Variants in LPIN3 observed in about 807,000 individuals in gnomAD.
LPIN3 encodes phosphatidate phosphatase LPIN3.
LPIN3 carries 82 observed loss-of-function variants against 94.7 expected under a neutral mutation model. The ratio of observed to expected loss-of-function variants is 0.87; its 90% CI spans 0.72 to 1.04. LPIN3 has a LOEUF of 1.04. Among genes scored for constraint, LPIN3 ranks in the 50% least tolerant of loss-of-function variants. LPIN3 has a pLI of 0.00. For synonymous variants in LPIN3, 418 were observed against 443.3 expected, an observed-to-expected ratio of 0.94 and a Z score of 0.72; for missense variants, 996 against 1,090.5, an observed-to-expected ratio of 0.91 and a Z score of 1.22.
rs2046247397 is a variant in LPIN3 at position 41,357,352 on chromosome 20, TCA to T, written c.1953-7_1953-6del. On this transcript the variant is annotated splice_region_variant and splice_polypyrimidine_tract_variant and intron_variant, in intron 15 of 19. Coordinates refer to ENST00000373257, the MANE Select transcript of LPIN3 (RefSeq NM_022896.3). ...CTGCCTTGGAGTAACCCTTCCTCTC[TCA>T]CTCTAGGTCAGATGCTCTGGGCCAT... 1 of 1,613,478 alleles carries T rather than the reference TCA, an allele frequency of 6.2e-7. No individual in the cohort carries two copies. The highest frequency in any genetic ancestry group is 2.2e-5 in the East Asian group (1 of 44,874).
chr20:41,342,771 G>A (rs546736108), intron 1 of LPIN3, among the ~76,000 whole-genome samples: 3 of 152,314 alleles, frequency 2.0e-5, no homozygotes, highest in Non-Finnish European at 4.4e-5. Context: ...GACATCCATT[G>A]GTGAAGTGGG....
At chr20:41,352,008 C>A (rs1320891562) in intron 8 of LPIN3, 52 bp from the exon 9 acceptor site, 1 of 1,611,926 alleles carries the variant, frequency 6.2e-7, no homozygotes, top group East Asian at 2.2e-5. Context: ...GAGGGAGGAC[C>A]CATCTCCCGC....
At chr20:41,348,916 C>CCAA in intron 4 of LPIN3, 29 bp downstream of exon 4, 1 of 1,592,990 alleles carries the variant, frequency 6.3e-7, no homozygotes, top group Non-Finnish European at 8.6e-7. Context: ...ACTTGAACCC[C>CCAA]AGTTTGGGGG....
intron 4 of LPIN3, 94 bp from the exon 5 acceptor site, chr20:41,348,998 G>C (rs55792098): frequency 0.016 from 25,470 of 1,581,108 alleles, 255 homozygotes; most frequent in Non-Finnish European, 0.02. Context: ...AGCAGTAGTT[G>C]CTTCACCTTA....
intron 7 of LPIN3, 38 bp downstream of exon 7, chr20:41,350,435 C>T (rs1218756248): frequency 1.4e-6 from 2 of 1,481,290 alleles, no homozygotes; most frequent in Admixed American, 2.2e-5. Flanking sequence ...CCTCCCTGGC[C>T]TCGCTCTGTC....
intron 5 of LPIN3, among the ~76,000 whole-genome samples, chr20:41,349,478 C>T (rs2045919579): frequency 6.6e-6 from 1 of 152,074 alleles, no homozygotes. Flanking sequence ...AAATGGAAAC[C>T]CTATGCCCAT....
At chr20:41,352,420 G>A (rs562263672) in intron 9 of LPIN3, among the ~76,000 whole-genome samples, 186 bp from the exon 10 acceptor site, 3 of 152,344 alleles carry the variant, frequency 2.0e-5, no homozygotes, top group African/African-American at 7.2e-5. Context: ...TTGACGCTAA[G>A]TTGTGAGTTA....
Position 41,351,928 on chromosome 20 carries a change from G to A in LPIN3, c.1202+8G>A. On this transcript the variant is annotated splice_region_variant and intron_variant, in intron 8 of 19. Transcript: ENST00000373257. ...GCTTTACTTCCCCCAAAGGTGCCTG[G>A]GTTCTGGATGCCAGGGTGTCTTGGG... is the stretch of plus-strand genomic sequence containing the variant. The A allele has an allele frequency of 6.2e-6, 10 of 1,614,160 alleles. No individual in the cohort carries two copies. Among genetic ancestry groups the A allele is most frequent in the Non-Finnish European group, 8.5e-6 (10 of 1,180,012 alleles).
chr20:41,345,690 G>T, intron 1 of LPIN3, 106 bp from the exon 2 acceptor site: 1 of 1,214,880 alleles, frequency 8.2e-7, no homozygotes, highest in Non-Finnish European at 1.1e-6. Flanking sequence ...GCACTCCAAG[G>T]CGTGACACAA....
chr20:41,358,850 T>G lies in LPIN3; in HGVS notation c.2540T>G (p.Leu847Arg), dbSNP rs751827107. The stretch of plus-strand genomic sequence containing the variant: ...CGGGAGCCACTGCCTGCTGTGGACC[T>G]TGATACCCTGGACTGAACCTGCCCT... ...YWREPLPAVD[L>R]DTLD The change falls in exon 20 of 20, where the codon CTT (leucine) becomes CGT (arginine). Residue 847 changes from leucine (L) to arginine (R), a missense_variant. Coordinates refer to ENST00000373257, the MANE Select transcript of LPIN3 (RefSeq NM_022896.3). 9 of 1,613,788 alleles carry G rather than the reference T, an allele frequency of 5.6e-6. No homozygotes were observed. The Admixed American group carries it at 8.3e-5, about 15-fold the overall frequency.
intron 6 of LPIN3, 26 bp downstream of exon 6, chr20:41,349,920 G>A (rs1370477264): frequency 3.1e-6 from 5 of 1,599,594 alleles, no homozygotes; most frequent in Admixed American, 3.4e-5. Context: ...TCAACCCCAG[G>A]CCCGGCCTTT....
chr20:41,350,294 C>A lies in LPIN3; in HGVS notation c.999C>A (p.Ser333Arg). The change falls in exon 7 of 20, where the codon AGC (serine) becomes AGA (arginine). Residue 333 changes from serine to arginine, a missense_variant. Physicochemically the swap from Ser to Arg is moderately radical, Grantham distance 110 (BLOSUM62 -1). Coordinates refer to ENST00000373257, the MANE Select transcript of LPIN3 (RefSeq NM_022896.3). ...TPETEESKTQ[S>R]SGDMGLPPAS... ...AGACAGAGGAAAGCAAGACTCAGAGCTCTGGGGACATGGGCCTCCCTCCTG... is the reference window on the plus strand; with the variant it reads ...AGACAGAGGAAAGCAAGACTCAGAGATCTGGGGACATGGGCCTCCCTCCTG... 6.2e-7 allele frequency: 1 copy of A among 1,613,118 alleles called. No homozygotes were observed. Among genetic ancestry groups the A allele is most frequent in the South Asian group, 1.1e-5 (1 of 91,066 alleles).
At chr20:41,351,063 G>A (rs1385852973) in intron 7 of LPIN3, among the ~76,000 whole-genome samples, 1 of 149,956 alleles carries the variant, frequency 6.7e-6, no homozygotes, top group Non-Finnish European at 1.5e-5. Context: ...GCAATGTAGT[G>A]AGAACCCATC....
chr20:41,358,379 G>A, intron 18 of LPIN3, 28 bp downstream of exon 18: 1 of 1,613,576 alleles, frequency 6.2e-7, no homozygotes, highest in East Asian at 2.2e-5. Context: ...ACTCTGCTGA[G>A]CCACCTCTCC....
In LPIN3 at chr20:41,345,872, C is replaced by T. The variant is rs779438805; in HGVS notation, c.69C>T (p.Asn23=). 1 of 1,614,218 alleles carries T rather than the reference C, an allele frequency of 6.2e-7. No individual in the cohort carries two copies. ...GTVKELYRGL[N]PATLSGGIDV... The stretch of plus-strand genomic sequence containing the variant: ...TGAAGGAGCTGTACCGGGGCCTGAA[C>T]CCAGCCACACTGAGCGGCGGCATTG... The change falls in exon 2 of 20, where the codon AAC becomes AAT. Residue 23 remains asparagine (N), a synonymous_variant. Coordinates refer to ENST00000373257, the MANE Select transcript of LPIN3 (RefSeq NM_022896.3).
At chr20:41,349,956 C>A (rs1382545466) in intron 6 of LPIN3, 62 bp downstream of exon 6, 2 of 1,578,412 alleles carry the variant, frequency 1.3e-6, no homozygotes, top group South Asian at 1.2e-5. Flanking sequence ...CCCCATGGGT[C>A]AGGGTTGGAG....
In LPIN3 at chr20:41,358,425, C is replaced by T; in HGVS notation, c.2308-14C>T. 6.2e-7 allele frequency: 1 copy of T among 1,614,012 alleles called. No individual in the cohort carries two copies. The highest frequency in any genetic ancestry group is 8.5e-7 in the Non-Finnish European group (1 of 1,179,910). On this transcript the variant is annotated splice_polypyrimidine_tract_variant and intron_variant, in intron 18 of 19. Transcript: ENST00000373257. ...GCAGGCCTCCATTCCATGGGCCCCT[C>T]CTGTCTCCCACAGGATGTCTTTGCC...
intron 1 of LPIN3, among the ~76,000 whole-genome samples, chr20:41,345,229 A>C (rs1422328263): frequency 1.3e-5 from 2 of 152,196 alleles, no homozygotes; most frequent in Non-Finnish European, 2.9e-5. Flanking sequence ...TGGGCCTGCT[A>C]TCTAATGAGG....
intron 1 of LPIN3, among the ~76,000 whole-genome samples, chr20:41,341,804 C>T (rs1454634104): frequency 6.6e-5 from 10 of 152,110 alleles, no homozygotes; most frequent in Non-Finnish European, 1.0e-4. Context: ...GGTGAAACCC[C>T]GTCTCCACTA....
Sources: allele counts gnomAD v4.1 joint callset (sites outside exome capture counted in the v4.1 genomes callset), GRCh38; gene constraint gnomAD v4.1.1; transcripts MANE v1.5; gene names NCBI Gene and HGNC (gene_info 2026-07-23, HGNC 2026-07-21).